IFIT1: variants seen among roughly 807,000 people sequenced by gnomAD.
IFIT1 encodes antiviral innate immune response effector IFIT1.
In IFIT1, 1 loss-of-function variant was observed where a neutral mutation model predicts 2.5. The ratio of observed to expected loss-of-function variants is 0.40; its 90% CI spans 0.14 to 1.92. The LOEUF (loss-of-function observed/expected upper bound fraction) is 1.92. Among genes scored for constraint, IFIT1 ranks in the 40% most tolerant of loss-of-function variants. The pLI, the probability that IFIT1 is intolerant of heterozygous loss-of-function variation, is 0.31. For missense variants in IFIT1, 508 were observed against 557.8 expected (o/e 0.91, Z 0.90); for synonymous variants, 191 against 201.7 (o/e 0.95, Z 0.45).
At chr10:89,399,188 A>G (rs891549628) in intron 1 of IFIT1, among the ~76,000 whole-genome samples, 3 of 152,122 alleles carry the variant, frequency 2.0e-5, no homozygotes, top group African/African-American at 7.2e-5. Context: ...GGAAATGTCT[A>G]TTTAAGTCCT....
At chr10:89,393,345 C>T (rs540222469) in intron 1 of IFIT1, 549 of 1,238,464 alleles carry the variant, frequency 4.4e-4, no homozygotes, top group South Asian at 5.4e-4. Flanking sequence ...GCTCTTGGTA[C>T]GTCCTTGACT....
Position 89,402,375 on chromosome 10 carries a change from GA to G in IFIT1, c.101del (p.Asp34ValfsTer2), listed in dbSNP as rs1284685247. 1 of 1,614,030 alleles carries G rather than the reference GA, an allele frequency of 6.2e-7. No individual in the cohort carries two copies. The highest frequency in any genetic ancestry group is 2.2e-5 in the East Asian group (1 of 44,900). Reference sequence around the variant, plus strand: ...ATCCATTGATGACGATGAAATGCCTGATTTAGAAAACAGAGTCTTGGATCAG... The same window carrying G: ...ATCCATTGATGACGATGAAATGCCTGTTTAGAAAACAGAGTCTTGGATCAG... ...ELSIDDDEMP[D>X]LENRVLDQIE... On this transcript the variant is annotated frameshift_variant, in exon 2 of 2. Transcript: ENST00000371804. LOFTEE classifies it low-confidence loss of function (END_TRUNC).
intron 1 of IFIT1, among the ~76,000 whole-genome samples, chr10:89,394,211 G>A (rs879920330): frequency 1.3e-5 from 2 of 152,128 alleles, no homozygotes; most frequent in Admixed American, 6.5e-5. Flanking sequence ...ACAATGGCAA[G>A]TATTTGTTTA....
At position 89,403,567 on chromosome 10, in the gene IFIT1, G is replaced by T; in HGVS notation, c.1292G>T (p.Arg431Leu). The change falls in exon 2 of 2, where the codon CGG becomes CTG. Residue 431 changes from arginine (R) to leucine (L), a missense_variant. By Grantham distance (102) the Arg-to-Leu change is moderately radical. Coordinates refer to ENST00000371804, the MANE Select transcript of IFIT1 (RefSeq NM_001548.5). ...AAGAAATTGGTTTTAAGGAAACTTCGGAGAAAGGCATTAGATCTGGAAAGC... is the reference window on the plus strand; with the variant it reads ...AAGAAATTGGTTTTAAGGAAACTTCTGAGAAAGGCATTAGATCTGGAAAGC... ...SLKKLVLRKL[R>L]RKALDLESLS... 6.2e-7 allele frequency: 1 copy of T among 1,614,010 alleles called. No individual in the cohort carries two copies.
At chr10:89,394,800 G>A (rs1194016478) in intron 1 of IFIT1, among the ~76,000 whole-genome samples, 10 of 151,178 alleles carry the variant, frequency 6.6e-5, no homozygotes, top group African/African-American at 1.7e-4. Flanking sequence ...CATTTTTCTC[G>A]CTATGTGGAG....
chr10:89,400,956 G>GT (rs151176238), intron 1 of IFIT1, among the ~76,000 whole-genome samples: 27,951 of 146,504 alleles, frequency 0.19, 5,388 homozygotes, highest in African/African-American at 0.49. Context: ...TCTATAGTCT[G>GT]TTTTTTTTTT....
At chr10:89,395,501 G>C (rs1461297174) in intron 1 of IFIT1, among the ~76,000 whole-genome samples, 1 of 151,916 alleles carries the variant, frequency 6.6e-6, no homozygotes, top group African/African-American at 2.4e-5. Flanking sequence ...TGCCTCCTTT[G>C]TATTTCACCT....
intron 1 of IFIT1, 119 bp from the exon 2 acceptor site, chr10:89,402,162 T>C (rs1844435346): frequency 1.5e-6 from 1 of 674,098 alleles, no homozygotes; most frequent in Non-Finnish European, 2.5e-6. Flanking sequence ...TTAACTTTAA[T>C]GAAACCTAAG....
rs1844513849 is a variant in IFIT1, at chr10:89,405,386, GA to G, written c.*1680del. 6.6e-6 allele frequency: 1 copy of G among 152,054 alleles called. No homozygotes were observed. Among genetic ancestry groups the G allele is most frequent in the African/African-American group, 2.4e-5 (1 of 41,420 alleles). The allele number at this position is 152,054 out of a possible 1,614,324, so 9.4% of individuals were successfully genotyped here. ...GCAAGGCACAACAAATAATAAGAAG[GA>G]AAAAATAAATAAGCAATGTTATTGA... On this transcript the variant is annotated 3_prime_UTR_variant, in exon 2 of 2. Coordinates refer to ENST00000371804, the MANE Select transcript of IFIT1 (RefSeq NM_001548.5).
intron 1 of IFIT1, among the ~76,000 whole-genome samples, chr10:89,394,763 A>C (rs1346336899): frequency 5.3e-5 from 8 of 151,894 alleles, no homozygotes; most frequent in African/African-American, 1.5e-4. Context: ...ACTACTGTGC[A>C]ATCATCATCA....
Position 89,404,806 on chromosome 10 carries a change from CT to C in IFIT1, c.*1096del, listed in dbSNP as rs1178746000. The C allele has an allele frequency of 6.6e-6, 1 of 152,258 alleles. No individual in the cohort carries two copies. Among genetic ancestry groups the C allele is most frequent in the African/African-American group, 2.4e-5 (1 of 41,530 alleles). The allele number at this position is 152,258 out of a possible 1,614,324, so 9.4% of individuals were successfully genotyped here. ...ACCGTCTCTACAAAAAATGCAAAAA[CT>C]TAGCTGGGTGTGGTGGCATGCACCT... On this transcript the variant is annotated 3_prime_UTR_variant, in exon 2 of 2. Transcript: ENST00000371804.
At chr10:89,394,577 AATATATATATATATATATATATATATAT>A (rs200060906) in intron 1 of IFIT1, among the ~76,000 whole-genome samples, 10 of 108,746 alleles carry the variant, frequency 9.2e-5, no homozygotes, top group South Asian at 5.9e-4. Context: ...ACTACAGGAA[AATATATATATATATATATATATATATAT>A]ATATATATAT....
Position 89,403,221 on chromosome 10 carries a change from G to GA in IFIT1, c.950dup (p.Leu318AlafsTer13). On this transcript the variant is annotated frameshift_variant, in exon 2 of 2. Coordinates refer to ENST00000371804, the MANE Select transcript of IFIT1 (RefSeq NM_001548.5). LOFTEE classifies it low-confidence loss of function (END_TRUNC). Reference sequence around the variant, plus strand: ...AGGGCAGCCTAGAGGGCAGAACAGAGAAAAGCTAGACAAAATGATAAGATC... The same window carrying GA: ...AGGGCAGCCTAGAGGGCAGAACAGAGAAAAAGCTAGACAAAATGATAAGATC... The GA allele has an allele frequency of 6.2e-7, 1 of 1,614,146 alleles. No individual in the cohort carries two copies. The highest frequency in any genetic ancestry group is 8.5e-7 in the Non-Finnish European group (1 of 1,180,022).
chr10:89,393,282 G>C, intron 1 of IFIT1: 1 of 1,289,618 alleles, frequency 7.8e-7, no homozygotes, highest in Non-Finnish European at 1.0e-6. Flanking sequence ...ACAGGTTTTC[G>C]CAATCAGGCT....
intron 1 of IFIT1, among the ~76,000 whole-genome samples, chr10:89,397,111 A>C (rs2133620351): frequency 6.6e-6 from 1 of 152,286 alleles, no homozygotes; most frequent in African/African-American, 2.4e-5. Flanking sequence ...GTTTTGATCT[A>C]ATTCATGTAG....
chr10:89,393,223 T>C, intron 1 of IFIT1: 1 of 1,289,894 alleles, frequency 7.8e-7, no homozygotes, highest in Non-Finnish European at 1.0e-6. Flanking sequence ...GCTCACAGCC[T>C]TCCTCCATAG....
At chr10:89,393,144 T>G in intron 1 of IFIT1, 1 of 1,291,880 alleles carries the variant, frequency 7.7e-7, no homozygotes. Flanking sequence ...CCCACAAGAA[T>G]GTGAAAGCCT....
At chr10:89,398,439 T>G (rs1295904757) in intron 1 of IFIT1, among the ~76,000 whole-genome samples, 2 of 152,244 alleles carry the variant, frequency 1.3e-5, no homozygotes, top group Non-Finnish European at 2.9e-5. Context: ...GGGGATGTTC[T>G]CTGGCCACTA....
chr10:89,403,626 G>A lies in IFIT1; in HGVS notation c.1351G>A (p.Gly451Arg). The change falls in exon 2 of 2, where the codon GGA becomes AGA. Residue 451 changes from glycine to arginine, a missense_variant. Physicochemically the swap from Gly to Arg is moderately radical, Grantham distance 125 (BLOSUM62 -2). Coordinates refer to ENST00000371804, the MANE Select transcript of IFIT1 (RefSeq NM_001548.5). The stretch of plus-strand genomic sequence containing the variant: ...CCTTGGGTTCGTCTACAAATTGGAA[G>A]GAAATATGAATGAAGCCCTGGAGTA... ...SLLGFVYKLE[G>R]NMNEALEYYE... 6.2e-7 allele frequency: 1 copy of A among 1,614,086 alleles called. No homozygotes were observed. Among genetic ancestry groups the A allele is most frequent in the Non-Finnish European group, 8.5e-7 (1 of 1,179,990 alleles).
Sources: gnomAD v4.1 joint callset for allele counts (sites outside exome capture counted in the v4.1 genomes callset) on GRCh38, gnomAD v4.1.1 for gene constraint, MANE v1.5 for transcripts, NCBI Gene and HGNC (gene_info 2026-07-23, HGNC 2026-07-21) for gene names.